MTM1: variants seen among roughly 807,000 people sequenced by gnomAD.
MTM1 encodes the protein myotubularin 1.
In MTM1, 9 loss-of-function variants were observed where a neutral mutation model predicts 52.1. The ratio of observed to expected loss-of-function variants is 0.17; its 90% CI spans 0.10 to 0.30. The LOEUF is 0.30. Ranked by LOEUF, MTM1 falls within the 10% of genes least tolerant of loss-of-function variation. The pLI is 1.00. For synonymous variants in MTM1, 136 were observed against 163.8 expected (o/e 0.83, Z 1.29); for missense variants, 277 against 470.7 (o/e 0.59, Z 3.81).
chrX:150,589,294 C>T (rs372253058), intron 1 of MTM1, among the ~76,000 whole-genome samples: 8 of 110,979 alleles, frequency 7.2e-5, no homozygotes, highest in East Asian at 2.8e-4. Context: ...CTAGGCCCCC[C>T]GCATCTCCTC....
chrX:150,668,975 G>A (rs1287062261), intron 14 of MTM1, among the ~76,000 whole-genome samples: 1 of 110,288 alleles, frequency 9.1e-6, no homozygotes, highest in African/African-American at 3.3e-5. Flanking sequence ...ATAGGTATAC[G>A]TGTGCCATAG....
At chrX:150,661,270 C>T (rs1427045934) in intron 13 of MTM1, among the ~76,000 whole-genome samples, 1 of 111,170 alleles carries the variant, frequency 9.0e-6, no homozygotes, top group Non-Finnish European at 1.9e-5. Context: ...GTGATCCACC[C>T]GCCTCACCCT....
At chrX:150,578,001 T>A (rs1055936943) in intron 1 of MTM1, among the ~76,000 whole-genome samples, 2 of 112,188 alleles carry the variant, frequency 1.8e-5, no homozygotes, top group African/African-American at 6.5e-5. Context: ...TGTGACTTGC[T>A]TCTAGAATAT....
chrX:150,616,950 T>C, intron 5 of MTM1, among the ~76,000 whole-genome samples: 1 of 111,819 alleles, frequency 8.9e-6, no homozygotes, highest in Non-Finnish European at 1.9e-5. Flanking sequence ...ACTAGGAGAC[T>C]CTTAGCCCAT....
chrX:150,628,817 C>T (rs1404233623), intron 6 of MTM1, among the ~76,000 whole-genome samples: 1 of 108,634 alleles, frequency 9.2e-6, no homozygotes, highest in Non-Finnish European at 1.9e-5. Context: ...TCACCGCAGC[C>T]CGCAGGTGCA....
At chrX:150,583,484 T>A (rs1299611366) in intron 1 of MTM1, among the ~76,000 whole-genome samples, 3 of 36,932 alleles carry the variant, frequency 8.1e-5, no homozygotes, top group Non-Finnish European at 1.3e-4. Context: ...AAATTATATA[T>A]ATTATATATA....
At position 150,631,667 on chromosome X, in the gene MTM1, CAAAAAAAAAAAAA is replaced by C. The variant is rs34042424; in HGVS notation, c.445-7263_445-7251del. ...GACAGAATGAGTGAGACTCCATCTC[CAAAAAAAAAAAAA>C]AAAAAAAAAAAACAAATAAAATAAA... On this transcript the variant is annotated intron_variant, in intron 6 of 14. Coordinates refer to ENST00000370396, the MANE Select transcript of MTM1 (RefSeq NM_000252.3). 3.8e-3 allele frequency among the ~76,000 whole-genome samples: 134 copies of C among 35,470 alleles called. 1 individual carries two copies. In the East Asian group the frequency reaches 0.11, roughly 28 times the overall value. 30.8% of individuals were successfully genotyped at this position (35,470 alleles called of 115,157 possible). A position where few individuals can be genotyped will look rare whatever the true frequency, so the allele number is the denominator to read the frequency against.
Position 150,657,804 on chromosome X carries a change from G to T in MTM1, c.1054-17G>T, listed in dbSNP as rs1463846466. The stretch of plus-strand genomic sequence containing the variant: ...ATCTTATAACTCCCTACTGACTCAC[G>T]TATTTTTCTTTGTCAGCTCGTTTTG... On this transcript the variant is annotated splice_polypyrimidine_tract_variant and intron_variant, in intron 10 of 14. Coordinates refer to ENST00000370396, the MANE Select transcript of MTM1 (RefSeq NM_000252.3). 1.7e-6 allele frequency: 2 copies of T among 1,202,060 alleles called. No individual in the cohort carries two copies. Among genetic ancestry groups the T allele is most frequent in the African/African-American group, 1.8e-5 (1 of 56,867 alleles).
At chrX:150,607,362 C>A (rs2039187734) in intron 4 of MTM1, among the ~76,000 whole-genome samples, 1 of 111,317 alleles carries the variant, frequency 9.0e-6, no homozygotes, top group Admixed American at 9.5e-5. Context: ...TCTTTCTTCC[C>A]CTTATTGCAC....
intron 14 of MTM1, among the ~76,000 whole-genome samples, chrX:150,668,814 A>G (rs2040346405): frequency 8.9e-6 from 1 of 111,964 alleles, no homozygotes; most frequent in African/African-American, 3.2e-5. Context: ...TTCAGCAAAT[A>G]GTTCAACACA....
chrX:150,636,239 A>C (rs1459759811), intron 6 of MTM1, among the ~76,000 whole-genome samples: 1 of 111,763 alleles, frequency 8.9e-6, no homozygotes, highest in African/African-American at 3.3e-5. Context: ...TCAGTCTCAT[A>C]CTAATGACAA....
At chrX:150,634,642 A>G (rs1483146396) in intron 6 of MTM1, among the ~76,000 whole-genome samples, 1 of 111,252 alleles carries the variant, frequency 9.0e-6, no homozygotes, top group Non-Finnish European at 1.9e-5. Flanking sequence ...GTATCTCTTG[A>G]CTAGTACGGA....
At chrX:150,579,562 G>A (rs1280693265) in intron 1 of MTM1, among the ~76,000 whole-genome samples, 1 of 110,873 alleles carries the variant, frequency 9.0e-6, no homozygotes, top group Non-Finnish European at 1.9e-5. Flanking sequence ...GTGGCATGAT[G>A]GTGGCTCACT....
chrX:150,658,842 CTTGTTTGTTTGT>C (rs781882957), intron 11 of MTM1, among the ~76,000 whole-genome samples: 2 of 111,079 alleles, frequency 1.8e-5, no homozygotes, highest in Non-Finnish European at 3.8e-5. Context: ...TGTTTTTTTG[CTTGTTTGTTTGT>C]TTGTTTGTTT....
chrX:150,641,418 A>G lies in MTM1; in HGVS notation c.678A>G (p.Pro226=). The change falls in exon 8 of 15, where the codon CCA becomes CCG. Residue 226 remains proline, a splice_region_variant and synonymous_variant. Coordinates refer to ENST00000370396, the MANE Select transcript of MTM1 (RefSeq NM_000252.3). ...VATFRSRNRI[P]VLSWIHPENK... ...CTTTTAGGTCCCGAAATCGAATTCC[A>G]GTGAGTACTGCAATTAACGTTTCTC... The G allele has an allele frequency of 1.7e-6, 2 of 1,211,085 alleles. No individual in the cohort carries two copies. The highest frequency in any genetic ancestry group is 2.2e-6 in the Non-Finnish European group (2 of 894,860).
chrX:150,572,831 A>T (rs1223334370), intron 1 of MTM1, among the ~76,000 whole-genome samples: 2 of 112,641 alleles, frequency 1.8e-5, no homozygotes, highest in Non-Finnish European at 3.8e-5. Context: ...CTCCTGAGTG[A>T]TAGGGCAGGC....
At chrX:150,668,555 A>G (rs1344739099) in intron 14 of MTM1, among the ~76,000 whole-genome samples, 1 of 109,614 alleles carries the variant, frequency 9.1e-6, no homozygotes, top group Non-Finnish European at 1.9e-5. Context: ...AAATGTTTTA[A>G]GTAGCCAGGC....
At chrX:150,630,242 C>T (rs1165128559) in intron 6 of MTM1, among the ~76,000 whole-genome samples, 2 of 111,425 alleles carry the variant, frequency 1.8e-5, no homozygotes, top group Non-Finnish European at 3.8e-5. Flanking sequence ...ATAGCGTGGG[C>T]CACCACACCC....
chrX:150,670,622 T>C (rs1326701001), intron 14 of MTM1, among the ~76,000 whole-genome samples: 2 of 112,034 alleles, frequency 1.8e-5, no homozygotes, highest in Non-Finnish European at 3.8e-5. Flanking sequence ...CAAGTTCTAG[T>C]GAGAATGCAG....
Sources: allele counts gnomAD v4.1 joint callset (sites outside exome capture counted in the v4.1 genomes callset), GRCh38; gene constraint gnomAD v4.1.1; transcripts MANE v1.5; gene names NCBI Gene and HGNC (gene_info 2026-07-23, HGNC 2026-07-21).